The following SLIT3 variants were observed in gnomAD, a reference collection of about 807,000 sequenced individuals.
SLIT3 encodes the protein slit guidance ligand 3, also known as slit homolog 3 protein.
SLIT3 carries 68 observed loss-of-function variants against 184.0 expected under a neutral mutation model. The ratio of observed to expected loss-of-function variants is 0.37; its 90% CI spans 0.30 to 0.45. The LOEUF (loss-of-function observed/expected upper bound fraction) is 0.45. Ranked by LOEUF, SLIT3 falls within the 20% of genes least tolerant of loss-of-function variation. The probability of loss-of-function intolerance (pLI) is 1.00; values close to 1 mark genes in which losing one functional copy is unlikely to be tolerated. For synonymous variants in SLIT3, 831 were observed against 828.6 expected, an observed-to-expected ratio of 1.00 and a Z score of -0.05; for missense variants, 1,707 against 2,026.0, an observed-to-expected ratio of 0.84 and a Z score of 3.02.
chr5:169,290,038 T>C (rs925782438), intron 1 of SLIT3, among the ~76,000 whole-genome samples: 3 of 123,932 alleles, frequency 2.4e-5, no homozygotes, highest in African/African-American at 6.2e-5. Context: ...AGAACGTACA[T>C]TAGGGCATAC....
intron 34 of SLIT3, among the ~76,000 whole-genome samples, chr5:168,670,712 C>A (rs924316041): frequency 6.6e-6 from 1 of 152,126 alleles, no homozygotes; most frequent in Admixed American, 6.5e-5. Context: ...TTAGTTTTGG[C>A]TGATTCAGGT....
At position 168,896,914 on chromosome 5, in the gene SLIT3, C is replaced by T. The variant is rs1489412897; in HGVS notation, c.414-13578G>A. 2.0e-5 allele frequency among the ~76,000 whole-genome samples: 3 copies of T among 152,300 alleles called. No homozygotes were observed. The East Asian group carries it at 5.8e-4, about 29-fold the overall frequency. On this transcript the variant is annotated intron_variant, in intron 4 of 35. Coordinates refer to ENST00000519560, the MANE Select transcript of SLIT3 (RefSeq NM_003062.4). ...CAGGGCAAGTCAAAGCACCCTTCTG[C>T]CTTTCAAAGGAGGCTGGGGTCTGGG...
chr5:168,967,150 C>T (rs914998182), intron 4 of SLIT3, among the ~76,000 whole-genome samples: 7 of 151,938 alleles, frequency 4.6e-5, no homozygotes, highest in Non-Finnish European at 1.0e-4. Context: ...TGGAAAAATG[C>T]TCTGTATATA....
At chr5:168,763,287 GACA>G (rs1755223803) in intron 14 of SLIT3, among the ~76,000 whole-genome samples, 1 of 152,158 alleles carries the variant, frequency 6.6e-6, no homozygotes, top group Admixed American at 6.5e-5. Flanking sequence ...AGATTGGGAA[GACA>G]ACGAGGGTTG....
At position 169,024,354 on chromosome 5, in the gene SLIT3, T is replaced by C. The variant is rs1478274991; in HGVS notation, c.414-141018A>G. Reference sequence around the variant, plus strand: ...CTGAAGTTTGAATCTTCATCCAATATACTACCCTGCCCACAACATGAGCCG... The same window carrying C: ...CTGAAGTTTGAATCTTCATCCAATACACTACCCTGCCCACAACATGAGCCG... On this transcript the variant is annotated intron_variant, in intron 4 of 35. Coordinates refer to ENST00000519560, the MANE Select transcript of SLIT3 (RefSeq NM_003062.4). 3 of 152,182 alleles carry C rather than the reference T, an allele frequency of 2.0e-5. No homozygotes were observed. The East Asian group carries it at 5.8e-4, about 29-fold the overall frequency. The allele number at this position is 152,182 out of a possible 1,614,324, so 9.4% of individuals were successfully genotyped here. A position where few individuals can be genotyped will look rare whatever the true frequency, so the allele number is the denominator to read the frequency against.
intron 19 of SLIT3, 123 bp from the exon 20 acceptor site, chr5:168,748,557 AC>A: frequency 1.0e-6 from 1 of 976,242 alleles, no homozygotes; most frequent in Non-Finnish European, 1.4e-6. Flanking sequence ...GTGTTCTAGA[AC>A]CAGGAAGAGG....
At chr5:168,946,720 G>C (rs754434350) in intron 4 of SLIT3, among the ~76,000 whole-genome samples, 1 of 152,050 alleles carries the variant, frequency 6.6e-6, no homozygotes. Flanking sequence ...TTTCGACACC[G>C]GACACACGCT....
chr5:168,716,646 G>C (rs1290839180), intron 23 of SLIT3, among the ~76,000 whole-genome samples: 4 of 152,244 alleles, frequency 2.6e-5, no homozygotes, highest in Non-Finnish European at 4.4e-5. Context: ...GGACTGCAGA[G>C]GAGACATTGC....
chr5:169,181,656 G>A lies in SLIT3; in HGVS notation c.413+11823C>T, dbSNP rs537192063. On this transcript the variant is annotated intron_variant, in intron 4 of 35. Transcript: ENST00000519560. ...CTCAGGAGGCTGAGGCAGGACAATCGCATGAACCTGGGAGGTGGAGGTTGC... is the reference window on the plus strand; with the variant it reads ...CTCAGGAGGCTGAGGCAGGACAATCACATGAACCTGGGAGGTGGAGGTTGC... Among the ~76,000 whole-genome samples, 40 of 151,632 alleles carry A rather than the reference G, an allele frequency of 2.6e-4. No individual in the cohort carries two copies. In the East Asian group the frequency reaches 2.9e-3, roughly 11 times the overall value.
intron 1 of SLIT3, among the ~76,000 whole-genome samples, chr5:169,265,656 C>T (rs568171324): frequency 1.8e-4 from 27 of 152,282 alleles, no homozygotes; most frequent in African/African-American, 6.3e-4. Flanking sequence ...TTCTGTTTCT[C>T]CATCTTAAAT....
At chr5:168,673,469 G>C in intron 32 of SLIT3, 138 bp from the exon 33 acceptor site, 1 of 817,972 alleles carries the variant, frequency 1.2e-6, no homozygotes, top group Non-Finnish European at 1.8e-6. Flanking sequence ...ACTTACATAA[G>C]TTGCAAAAAT....
intron 4 of SLIT3, among the ~76,000 whole-genome samples, chr5:169,003,537 A>T (rs1004008978): frequency 6.6e-6 from 1 of 152,266 alleles, no homozygotes; most frequent in African/African-American, 2.4e-5. Flanking sequence ...AGTGGCCGTG[A>T]ACACAGATGT....
chr5:168,671,065 C>T (rs780569690), intron 34 of SLIT3, 133 bp downstream of exon 34: 109 of 1,008,938 alleles, frequency 1.1e-4, no homozygotes, highest in Non-Finnish European at 1.4e-4. Context: ...TAAGCAGTTA[C>T]ACTTACACAG....
intron 3 of SLIT3, among the ~76,000 whole-genome samples, chr5:169,235,967 C>T (rs1353706503): frequency 1.3e-5 from 2 of 152,202 alleles, no homozygotes; most frequent in African/African-American, 4.8e-5. Flanking sequence ...TCCCTTTTCA[C>T]ATAGAACTCT....
chr5:169,174,218 C>CT (rs1015286764), intron 4 of SLIT3, among the ~76,000 whole-genome samples: 1 of 152,172 alleles, frequency 6.6e-6, no homozygotes, highest in African/African-American at 2.4e-5. Context: ...AATGTTGTTG[C>CT]TTGTTGGTTC....
chr5:168,874,580 C>A (rs944569288), intron 5 of SLIT3, among the ~76,000 whole-genome samples: 1 of 152,164 alleles, frequency 6.6e-6, no homozygotes, highest in Non-Finnish European at 1.5e-5. Context: ...AGGAAATATG[C>A]AAAGTCTGCC....
intron 5 of SLIT3, among the ~76,000 whole-genome samples, chr5:168,847,438 T>C (rs912501705): frequency 3.3e-5 from 5 of 152,308 alleles, no homozygotes; most frequent in African/African-American, 1.2e-4. Context: ...TTAACACCTA[T>C]GGGGGCCCCA....
chr5:169,230,360 A>C (rs1417846003), intron 3 of SLIT3, among the ~76,000 whole-genome samples: 7 of 152,216 alleles, frequency 4.6e-5, no homozygotes, highest in Non-Finnish European at 1.0e-4. Context: ...TTAGGCTAGA[A>C]CCCACTAAAC....
At chr5:168,768,139 G>C in intron 14 of SLIT3, 1 of 506,656 alleles carries the variant, frequency 2.0e-6, no homozygotes, top group Middle Eastern at 5.2e-4. Flanking sequence ...GCGGTGGCGG[G>C]CCATGCTGCA....
Sources: allele counts gnomAD v4.1 joint callset (sites outside exome capture counted in the v4.1 genomes callset), GRCh38; gene constraint gnomAD v4.1.1; transcripts MANE v1.5; gene names NCBI Gene and HGNC (gene_info 2026-07-23, HGNC 2026-07-21).